TMEM131: variants seen among roughly 807,000 people sequenced by gnomAD.
TMEM131 encodes the protein transmembrane protein 131.
A neutral mutation model predicts 211.6 loss-of-function variants in TMEM131; 66 were observed. The ratio of observed to expected loss-of-function variants is 0.31; its 90% CI spans 0.26 to 0.38. TMEM131 has a LOEUF of 0.38. Among genes scored for constraint, TMEM131 ranks in the 10% least tolerant of loss-of-function variants. TMEM131 has a pLI of 1.00. For missense variants in TMEM131, 2,036 were observed against 2,299.3 expected (o/e 0.89, Z 2.34); for synonymous variants, 844 against 841.3 (o/e 1.00, Z -0.06).
At chr2:97,809,373 T>C (rs549708532) in intron 19 of TMEM131, among the ~76,000 whole-genome samples, 7 of 152,324 alleles carry the variant, frequency 4.6e-5, no homozygotes, top group African/African-American at 1.7e-4. Flanking sequence ...GAAGAAATTC[T>C]AAGCTGGCTC....
intron 1 of TMEM131, among the ~76,000 whole-genome samples, chr2:97,978,351 CATCTAT>C (rs1240331267): frequency 1.3e-5 from 2 of 152,162 alleles, no homozygotes; most frequent in African/African-American, 4.8e-5. Context: ...GAAATCACTT[CATCTAT>C]AAGAAGCAAC....
At position 97,818,690 on chromosome 2, in the gene TMEM131, A is replaced by G; in HGVS notation, c.1106T>C (p.Ile369Thr). 1 of 1,607,090 alleles carries G rather than the reference A, an allele frequency of 6.2e-7. No homozygotes were observed. Residue 369 changes from isoleucine to threonine, a missense_variant, in exon 12 of 41, where the codon ATA (isoleucine) becomes ACA (threonine). By Grantham distance (89) the Ile-to-Thr change is moderately conservative. This residue lies in a region of TMEM131 where 277 missense variants were observed against 378.0 expected (regional missense o/e 0.73). Transcript: ENST00000186436. ...TGTAATTGGTTTAAAGTGTACCGTT[A>G]TAGCATCATTTTGTGGTGTAGGTCG... ...SVRPTPQNDA[I>T]TVHFKPITLK...
At chr2:97,816,594 A>G (rs1378408710) in intron 12 of TMEM131, among the ~76,000 whole-genome samples, 2 of 152,184 alleles carry the variant, frequency 1.3e-5, no homozygotes, top group Non-Finnish European at 2.9e-5. Flanking sequence ...GTGTTTGACT[A>G]TGGCAGACAC....
Position 97,792,555 on chromosome 2 carries a change from G to A in TMEM131, c.3975C>T (p.Pro1325=), listed in dbSNP as rs534661855. Residue 1325 remains proline, a synonymous_variant, in exon 31 of 41, where the codon CCC becomes CCT. Coordinates refer to ENST00000186436, the MANE Select transcript of TMEM131 (RefSeq NM_015348.2). ...GTTCTGGGTGGGAAGGGTGTGCGAGGGGGGCGGGAGACAGCCTTTCAGGCT... is the reference window on the plus strand; with the variant it reads ...GTTCTGGGTGGGAAGGGTGTGCGAGAGGGGCGGGAGACAGCCTTTCAGGCT... ...EPQPERLSPA[P]LAHPSHPERA... is the part of the protein sequence containing the mutation. 66 of 1,613,302 alleles carry A rather than the reference G, an allele frequency of 4.1e-5. No homozygotes were observed. The Middle Eastern group carries it at 2.3e-3, about 56-fold the overall frequency.
intron 2 of TMEM131, among the ~76,000 whole-genome samples, chr2:97,914,783 T>C (rs1676439356): frequency 6.6e-6 from 1 of 152,224 alleles, no homozygotes; most frequent in Admixed American, 6.5e-5. Flanking sequence ...TCTACTGAAA[T>C]ACATCTGGGT....
chr2:97,757,104 T>A lies in TMEM131; in HGVS notation c.5647A>T (p.Asn1883Tyr), dbSNP rs1415142594. 6.3e-7 allele frequency: 1 copy of A among 1,584,874 alleles called. No homozygotes were observed. Among genetic ancestry groups the A allele is most frequent in the South Asian group, 1.1e-5 (1 of 88,272 alleles). Residue 1883 changes from asparagine to tyrosine, a missense_variant, in exon 41 of 41, where the codon AAT (asparagine) becomes TAT (tyrosine). By Grantham distance (143) the Asn-to-Tyr change is moderately radical. Transcript: ENST00000186436. ...PWSNSHFPHE[N>Y] Reference sequence around the variant, plus strand: ...TTGTTTGTTTTTTGCTTAATTTAATTCTCGTGAGGAAAGTGCGAATTAGAC... The same window carrying A: ...TTGTTTGTTTTTTGCTTAATTTAATACTCGTGAGGAAAGTGCGAATTAGAC...
chr2:97,806,419 T>C (rs536726531), intron 19 of TMEM131, among the ~76,000 whole-genome samples: 22 of 152,262 alleles, frequency 1.4e-4, no homozygotes, highest in African/African-American at 4.8e-4. Context: ...CACACACCTG[T>C]AGTCCCAGCT....
chr2:97,954,885 G>A (rs934211256), intron 1 of TMEM131, among the ~76,000 whole-genome samples: 2 of 149,806 alleles, frequency 1.3e-5, no homozygotes, highest in Non-Finnish European at 3.0e-5. Context: ...TGGCTTTACT[G>A]GAAAATTTTA....
chr2:97,920,047 GAGCAC>G, intron 2 of TMEM131, among the ~76,000 whole-genome samples: 1 of 152,314 alleles, frequency 6.6e-6, no homozygotes. Flanking sequence ...GACAATGAAT[GAGCAC>G]AGCAGGTATA....
chr2:97,980,631 G>A (rs947592064), intron 1 of TMEM131, among the ~76,000 whole-genome samples: 9 of 152,062 alleles, frequency 5.9e-5, no homozygotes, highest in South Asian at 4.2e-4. Context: ...TGTTCAAAGC[G>A]GCTTTATTTA....
Position 97,760,653 on chromosome 2 carries a change from G to C in TMEM131, c.5048C>G (p.Thr1683Arg), listed in dbSNP as rs759451360. 6.2e-7 allele frequency: 1 copy of C among 1,613,746 alleles called. No homozygotes were observed. The highest frequency in any genetic ancestry group is 8.5e-7 in the Non-Finnish European group (1 of 1,179,776). The change falls in exon 38 of 41, where the codon ACA (threonine) becomes AGA (arginine). Residue 1683 changes from threonine (T) to arginine (R), a missense_variant. By Grantham distance (71) the Thr-to-Arg change is moderately conservative. Transcript: ENST00000186436. ...NGFAKVSSNK[T>R]GFSSSLGISH... The stretch of plus-strand genomic sequence containing the variant: ...AATGCCAAGGCTGCTGGAGAAACCT[G>C]TTTTGTTTGAAGAAACTTTAGCAAA...
rs117995097 is a variant in TMEM131, at chr2:97,818,021, C to T, written c.1183+592G>A. Among the ~76,000 whole-genome samples, 515 of 152,176 alleles carry T rather than the reference C, an allele frequency of 3.4e-3. 7 individuals are homozygous for T. The East Asian group carries it at 0.041, about 12-fold the overall frequency. On this transcript the variant is annotated intron_variant, in intron 12 of 40. Transcript: ENST00000186436. ...GTGACAGCAAATTCAATGAATGTTCCAATTAAAGTAGGCAAAACTAAATAA... is the reference window on the plus strand; with the variant it reads ...GTGACAGCAAATTCAATGAATGTTCTAATTAAAGTAGGCAAAACTAAATAA...
chr2:97,884,247 T>C (rs1675048990), intron 4 of TMEM131, among the ~76,000 whole-genome samples: 1 of 152,228 alleles, frequency 6.6e-6, no homozygotes, highest in East Asian at 1.9e-4. Flanking sequence ...CCTCTTGTTA[T>C]CGATTTCTAG....
chr2:97,775,738 C>T (rs1045854167), intron 32 of TMEM131, 105 bp downstream of exon 32: 1 of 1,282,416 alleles, frequency 7.8e-7, no homozygotes, highest in Non-Finnish European at 1.1e-6. Context: ...TAGATTTAAA[C>T]ATTACTTTTG....
intron 25 of TMEM131, among the ~76,000 whole-genome samples, chr2:97,800,866 A>G (rs1421690684): frequency 6.6e-6 from 1 of 152,252 alleles, no homozygotes; most frequent in Non-Finnish European, 1.5e-5. Context: ...CAGATGGGAA[A>G]AGCAAAGCAC....
chr2:97,775,104 T>C (rs1036838447), intron 32 of TMEM131, among the ~76,000 whole-genome samples: 29 of 152,156 alleles, frequency 1.9e-4, no homozygotes, highest in Admixed American at 3.3e-4. Flanking sequence ...AATCCATTTA[T>C]CTAAAAATAA....
At chr2:97,784,409 C>T (rs938683411) in intron 31 of TMEM131, among the ~76,000 whole-genome samples, 8 of 151,880 alleles carry the variant, frequency 5.3e-5, no homozygotes, top group Non-Finnish European at 1.2e-4. Flanking sequence ...AATCATTCTC[C>T]CAACTAAAGT....
chr2:97,818,384 C>T (rs1180365184), intron 12 of TMEM131, among the ~76,000 whole-genome samples: 3 of 138,216 alleles, frequency 2.2e-5, no homozygotes, highest in Non-Finnish European at 4.5e-5. Context: ...TTTTCTATTG[C>T]TAATACTGAT....
chr2:97,757,411 C>G (rs1678554026), intron 40 of TMEM131, 28 bp from the exon 41 acceptor site: 1 of 1,549,950 alleles, frequency 6.5e-7, no homozygotes, highest in African/African-American at 1.4e-5. Context: ...GCGTCCAGCA[C>G]TGAGCCCGGC....
Sources: allele counts gnomAD v4.1 joint callset (sites outside exome capture counted in the v4.1 genomes callset), GRCh38; gene constraint gnomAD v4.1.1; regional missense constraint gnomAD v4.1.1; transcripts MANE v1.5; gene names NCBI Gene and HGNC (gene_info 2026-07-23, HGNC 2026-07-21).